CSNK1D: variants seen among roughly 807,000 people sequenced by gnomAD.
The protein encoded by CSNK1D is casein kinase 1 delta.
CSNK1D carries 16 observed loss-of-function variants against 46.6 expected under a neutral mutation model. The observed-to-expected ratio is 0.34, with a 90% CI of 0.23 to 0.52. The LOEUF (loss-of-function observed/expected upper bound fraction) is 0.52, where lower values mean the gene tolerates loss of function less well. Ranked by LOEUF, CSNK1D falls within the 20% of genes least tolerant of loss-of-function variation. CSNK1D has a pLI of 0.95. For synonymous variants in CSNK1D, 276 were observed against 228.2 expected (o/e 1.21, Z -1.89); for missense variants, 398 against 578.4 (o/e 0.69, Z 3.20).
At position 82,242,738 on chromosome 17, in the gene CSNK1D, C is replaced by T. The variant is rs914753182; in HGVS notation, c.*2043G>A. 13 of 985,338 alleles carry T rather than the reference C, an allele frequency of 1.3e-5. No individual in the cohort carries two copies. Among genetic ancestry groups the T allele is most frequent in the African/African-American group, 7.0e-5 (4 of 57,232 alleles). The allele number at this position is 985,338 out of a possible 1,614,324, so 61.0% of individuals were successfully genotyped here. A position where few individuals can be genotyped will look rare whatever the true frequency, so the allele number is the denominator to read the frequency against. ...TACACAAATACAGTGGCGATACAAA[C>T]GCACAGCTCGGAGACTGGCCGTCAG... On this transcript the variant is annotated 3_prime_UTR_variant, in exon 9 of 9. Transcript: ENST00000314028.
rs1230079982 is a variant in CSNK1D, at chr17:82,248,949, G to T, written c.1123C>A (p.Arg375Ser). 2 of 1,597,958 alleles carry T rather than the reference G, an allele frequency of 1.3e-6. No individual in the cohort carries two copies. The highest frequency in any genetic ancestry group is 3.4e-5 in the Admixed American group (2 of 58,410). ...RERKVSMRLH[R>S]GAPVNISSSD... is the part of the protein sequence containing the mutation. ...GAGGAGATGTTGACGGGGGCCCCGC[G>T]GTGCAGCCGCATACTCACTTTCCGC... Residue 375 changes from arginine to serine, a missense_variant, in exon 8 of 9, where the codon CGC (arginine) becomes AGC (serine). Transcript: ENST00000314028. The surrounding 1 kb of genome is among the most constrained non-coding windows in gnomAD (Gnocchi z 4.1).
At chr17:82,269,891 CTGTTTTCAAA>C (rs1403913977) in intron 1 of CSNK1D, among the ~76,000 whole-genome samples, 1 of 152,254 alleles carries the variant, frequency 6.6e-6, no homozygotes, top group Non-Finnish European at 1.5e-5. Context: ...AGGACACTGG[CTGTTTTCAAA>C]TGTTACCAAG....
At chr17:82,270,475 G>C (rs967449500) in intron 1 of CSNK1D, among the ~76,000 whole-genome samples, 2 of 152,188 alleles carry the variant, frequency 1.3e-5, no homozygotes, top group African/African-American at 4.8e-5. Flanking sequence ...TGGTCTTAAC[G>C]ATACTCATAC....
rs1231702318 is a variant in CSNK1D at position 82,249,005 on chromosome 17, G to A, written c.1067C>T (p.Ser356Phe). 6.4e-7 allele frequency: 1 copy of A among 1,560,358 alleles called. No homozygotes were observed. Among genetic ancestry groups the A allele is most frequent in the Non-Finnish European group, 8.7e-7 (1 of 1,151,380 alleles). The change falls in exon 8 of 9, where the codon TCC (serine) becomes TTC (phenylalanine). Residue 356 changes from serine to phenylalanine, a missense_variant. Ser to Phe is a radical substitution (Grantham distance 155, BLOSUM62 -2). Transcript: ENST00000314028. The surrounding 1 kb of genome is among the most constrained non-coding windows in gnomAD (Gnocchi z 6.7). ...LTPTSHTANT[S>F]PRPVSGMERE... ...CTCCATGCCGGAGACGGGCCGGGGG[G>A]AGGTGTTAGCTGAGGACAGGGAGAG...
Position 82,251,748 on chromosome 17 carries a change from T to C in CSNK1D, c.737-221A>G. The stretch of plus-strand genomic sequence containing the variant: ...GCTCACGCCTGTCACCCCAGCACTC[T>C]AGGAGGCTGAGGAGGGCGGATCACG... On this transcript the variant is annotated intron_variant, in intron 5 of 8. Coordinates refer to ENST00000314028, the MANE Select transcript of CSNK1D (RefSeq NM_001893.6). This position sits in a 1 kb window ranked among gnomAD's most constrained non-coding sequence, Gnocchi z 4.5. 2 of 585,490 alleles carry C rather than the reference T, an allele frequency of 3.4e-6. No homozygotes were observed. The highest frequency in any genetic ancestry group is 6.2e-6 in the Non-Finnish European group (2 of 320,792). 36.3% of individuals were successfully genotyped at this position (585,490 alleles called of 1,614,324 possible).
Position 82,249,221 on chromosome 17 carries a change from C to T in CSNK1D, c.1058-207G>A, listed in dbSNP as rs1396557192. On this transcript the variant is annotated intron_variant, in intron 7 of 8. Transcript: ENST00000314028. This position sits in a 1 kb window ranked among gnomAD's most constrained non-coding sequence, Gnocchi z 6.7. ...GGTCAAGGGGCTCACAGGGGAGGAA[C>T]GTGAGATGCGGGAGGAATCACGCAC... The T allele has an allele frequency of 1.3e-5, 10 of 764,308 alleles. No homozygotes were observed. Among genetic ancestry groups the T allele is most frequent in the East Asian group, 5.4e-5 (2 of 37,180 alleles). The allele number at this position is 764,308 out of a possible 1,614,324, so 47.3% of individuals were successfully genotyped here. A position where few individuals can be genotyped will look rare whatever the true frequency, so the allele number is the denominator to read the frequency against.
downstream of CSNK1D, among the ~76,000 whole-genome samples, chr17:82,240,961 C>T (rs1011067667): frequency 3.3e-5 from 5 of 152,184 alleles, no homozygotes; most frequent in African/African-American, 4.8e-5. Context: ...AAGCCCGGAG[C>T]CCACTGGGAA....
At position 82,243,621 on chromosome 17, in the gene CSNK1D, A is replaced by T; in HGVS notation, c.*1160T>A. 4 of 985,432 alleles carry T rather than the reference A, an allele frequency of 4.1e-6. No homozygotes were observed. The highest frequency in any genetic ancestry group is 3.6e-6 in the Non-Finnish European group (3 of 829,944). 61.0% of individuals were successfully genotyped at this position (985,432 alleles called of 1,614,324 possible). A position where few individuals can be genotyped will look rare whatever the true frequency, so the allele number is the denominator to read the frequency against. ...TGAAGGTTCTGGGTCCGGTTGGGAG[A>T]GTCACCTGCTCCTTGGCACCTCAGG... is the stretch of plus-strand genomic sequence containing the variant. On this transcript the variant is annotated 3_prime_UTR_variant, in exon 9 of 9. Coordinates refer to ENST00000314028, the MANE Select transcript of CSNK1D (RefSeq NM_001893.6).
chr17:82,273,165 G>T lies in CSNK1D; in HGVS notation c.76+141C>A. The T allele has an allele frequency of 2.5e-6, 2 of 814,982 alleles. No individual in the cohort carries two copies. The highest frequency in any genetic ancestry group is 1.9e-6 in the Non-Finnish European group (1 of 531,078). 50.5% of individuals were successfully genotyped at this position (814,982 alleles called of 1,614,324 possible). The stretch of plus-strand genomic sequence containing the variant: ...TGGCCGCGCTAGCCTAGTGGCCGTT[G>T]GGTTCTGGCCACGATCCGGCGGTGC... On this transcript the variant is annotated intron_variant, in intron 1 of 8. Coordinates refer to ENST00000314028, the MANE Select transcript of CSNK1D (RefSeq NM_001893.6). This position sits in a 1 kb window ranked among gnomAD's most constrained non-coding sequence, Gnocchi z 5.1.
At chr17:82,273,710 T>TC (rs1366494731), upstream of CSNK1D, 2 of 464,004 alleles carry the variant, frequency 4.3e-6, no homozygotes, top group Non-Finnish European at 3.8e-6. This position sits in a 1 kb window ranked among gnomAD's most constrained non-coding sequence, Gnocchi z 5.1. Context: ...TGACGTCACT[T>TC]CCCCTAGCAA....
In CSNK1D at chr17:82,248,078, C is replaced by A; in HGVS notation, c.1197+797G>T. 1.0e-6 allele frequency: 1 copy of A among 985,502 alleles called. No individual in the cohort carries two copies. The highest frequency in any genetic ancestry group is 1.2e-6 in the Non-Finnish European group (1 of 829,972). The allele number at this position is 985,502 out of a possible 1,614,324, so 61.0% of individuals were successfully genotyped here. On this transcript the variant is annotated intron_variant, in intron 8 of 8. Coordinates refer to ENST00000314028, the MANE Select transcript of CSNK1D (RefSeq NM_001893.6). The surrounding 1 kb of genome is among the most constrained non-coding windows in gnomAD (Gnocchi z 4.1). ...TCCAGGGCATTTCTGAACTGAGTTC[C>A]TGCTCATCCGGAAGACCCGTGGGGG...
chr17:82,242,981 G>A lies in CSNK1D; in HGVS notation c.*1800C>T, dbSNP rs2050765752. Reference sequence around the variant, plus strand: ...GCGCCACTTCAGGCCACAGCGCGACGTCTCTCCGGGTGGGGGACGTCTACC... The same window carrying A: ...GCGCCACTTCAGGCCACAGCGCGACATCTCTCCGGGTGGGGGACGTCTACC... On this transcript the variant is annotated 3_prime_UTR_variant, in exon 9 of 9. Coordinates refer to ENST00000314028, the MANE Select transcript of CSNK1D (RefSeq NM_001893.6). 5.1e-6 allele frequency: 5 copies of A among 985,472 alleles called. No individual in the cohort carries two copies. Among genetic ancestry groups the A allele is most frequent in the Non-Finnish European group, 4.8e-6 (4 of 829,942 alleles). The allele number at this position is 985,472 out of a possible 1,614,324, so 61.0% of individuals were successfully genotyped here.
chr17:82,263,645 G>C (rs1036021605), intron 2 of CSNK1D, among the ~76,000 whole-genome samples: 8 of 152,238 alleles, frequency 5.3e-5, no homozygotes, highest in African/African-American at 1.9e-4. Flanking sequence ...GGGCTTCTAA[G>C]GACTGGCTTT....
rs978431497 is a variant in CSNK1D at position 82,248,114 on chromosome 17, C to T, written c.1197+761G>A. On this transcript the variant is annotated intron_variant, in intron 8 of 8. Transcript: ENST00000314028. The surrounding 1 kb of genome is among the most constrained non-coding windows in gnomAD (Gnocchi z 4.1). Reference sequence around the variant, plus strand: ...GAAGACCCGTGGGGGATCTGGGCACCCCCCAGGATGCCTGCTGGTGAAACA... The same window carrying T: ...GAAGACCCGTGGGGGATCTGGGCACTCCCCAGGATGCCTGCTGGTGAAACA... 1.5e-4 allele frequency: 147 copies of T among 985,478 alleles called. No homozygotes were observed. Among genetic ancestry groups the T allele is most frequent in the Admixed American group, 1.1e-3 (18 of 16,288 alleles). 61.0% of individuals were successfully genotyped at this position (985,478 alleles called of 1,614,324 possible).
chr17:82,268,276 G>A (rs960089144), intron 1 of CSNK1D, among the ~76,000 whole-genome samples: 2 of 152,244 alleles, frequency 1.3e-5, no homozygotes, highest in African/African-American at 4.8e-5. Context: ...AGGTCGCTGA[G>A]CACTGCTCAG....
At position 82,243,563 on chromosome 17, in the gene CSNK1D, G is replaced by A. The variant is rs1379145427; in HGVS notation, c.*1218C>T. On this transcript the variant is annotated 3_prime_UTR_variant, in exon 9 of 9. Transcript: ENST00000314028. ...CTGACCAACAGACACGCGCCCAACA[G>A]AAGGTCACAGCGCAGACTCTACTTT... 3 of 985,472 alleles carry A rather than the reference G, an allele frequency of 3.0e-6. No homozygotes were observed. The highest frequency in any genetic ancestry group is 3.6e-6 in the Non-Finnish European group (3 of 829,952). The allele number at this position is 985,472 out of a possible 1,614,324, so 61.0% of individuals were successfully genotyped here. A position where few individuals can be genotyped will look rare whatever the true frequency, so the allele number is the denominator to read the frequency against.
rs1312847438 is a variant in CSNK1D at position 82,252,381 on chromosome 17, CAT to C, written c.736+51_736+52del. On this transcript the variant is annotated intron_variant, in intron 5 of 8. Transcript: ENST00000314028. The surrounding 1 kb of genome is among the most constrained non-coding windows in gnomAD (Gnocchi z 4.6). The stretch of plus-strand genomic sequence containing the variant: ...CTGAGCCGTCTCGGCACACCCGACA[CAT>C]ATGCAACCCCTGTGAGCAGCTCCGC... 7 of 1,602,504 alleles carry C rather than the reference CAT, an allele frequency of 4.4e-6. No individual in the cohort carries two copies. Among genetic ancestry groups the C allele is most frequent in the Admixed American group, 1.7e-5 (1 of 60,024 alleles).
Position 82,273,448 on chromosome 17 carries a change from C to CGCCGCTGCT in CSNK1D, c.-76_-68dup. ...CCTGGGTCTGAACTCTGGGAGGCGGCGCCGCTGCTGCCGCTACTGCGGGTC... is the reference window on the plus strand; with the variant it reads ...CCTGGGTCTGAACTCTGGGAGGCGGCGCCGCTGCTGCCGCTGCTGCCGCTACTGCGGGTC... On this transcript the variant is annotated 5_prime_UTR_variant, in exon 1 of 9. Coordinates refer to ENST00000314028, the MANE Select transcript of CSNK1D (RefSeq NM_001893.6). The surrounding 1 kb of genome is among the most constrained non-coding windows in gnomAD (Gnocchi z 5.1). 6.3e-7 allele frequency: 1 copy of CGCCGCTGCT among 1,580,810 alleles called. No homozygotes were observed. The highest frequency in any genetic ancestry group is 1.7e-5 in the Admixed American group (1 of 58,298).
At chr17:82,258,628 T>G (rs1321315666) in intron 2 of CSNK1D, among the ~76,000 whole-genome samples, 4 of 152,214 alleles carry the variant, frequency 2.6e-5, no homozygotes, top group African/African-American at 9.6e-5. Flanking sequence ...AATACTCATT[T>G]TGGAGTTTTC....
Sources: allele counts gnomAD v4.1 joint callset (sites outside exome capture counted in the v4.1 genomes callset), GRCh38; gene constraint gnomAD v4.1.1; non-coding constraint Gnocchi (gnomAD v3.1); transcripts MANE v1.5; gene names NCBI Gene and HGNC (gene_info 2026-07-23, HGNC 2026-07-21).